Variants in GPD2 observed in about 807,000 individuals in gnomAD.
The protein encoded by GPD2 is glycerol-3-phosphate dehydrogenase 2.
A neutral mutation model predicts 82.4 loss-of-function variants in GPD2; 54 were observed. The ratio of observed to expected loss-of-function variants is 0.66; its 90% CI spans 0.53 to 0.82. GPD2 has a LOEUF of 0.82. Among genes scored for constraint, GPD2 ranks in the 40% least tolerant of loss-of-function variants. GPD2 has a pLI of 0.00. For synonymous variants in GPD2, 288 were observed against 306.1 expected (o/e 0.94, Z 0.62); for missense variants, 748 against 896.2 (o/e 0.83, Z 2.11).
chr2:156,428,077 A>G, the GPD2 span, among the ~76,000 whole-genome samples: 1 of 151,878 alleles, frequency 6.6e-6, no homozygotes, highest in African/African-American at 2.4e-5. Flanking sequence ...CACATCTCCA[A>G]CTCCCCCACT....
intron 3 of GPD2, among the ~76,000 whole-genome samples, chr2:156,498,413 C>T (rs1330998119): frequency 6.6e-6 from 1 of 152,178 alleles, no homozygotes; most frequent in East Asian, 1.9e-4. Context: ...GGAAACTTTA[C>T]TTATGCTGTT....
At chr2:156,496,847 T>C (rs186162696) in intron 3 of GPD2, among the ~76,000 whole-genome samples, 1 of 106,906 alleles carries the variant, frequency 9.4e-6, no homozygotes, top group East Asian at 2.8e-4. Context: ...TCTTTGTTCA[T>C]GTATCTCTTA....
Position 156,570,359 on chromosome 2 carries a change from T to C in GPD2, c.1608+141T>C, listed in dbSNP as rs2288758. ...AACCAGGACTACTATGTCTTTCCAA[T>C]ATAGATCCTTTTATTTATAAAATTT... On this transcript the variant is annotated intron_variant, in intron 12 of 16. Transcript: ENST00000438166. 78 of 690,022 alleles carry C rather than the reference T, an allele frequency of 1.1e-4. No individual in the cohort carries two copies. In the East Asian group the frequency reaches 2.1e-3, roughly 18 times the overall value. The allele number at this position is 690,022 out of a possible 1,614,324, so 42.7% of individuals were successfully genotyped here.
intron 1 of GPD2, among the ~76,000 whole-genome samples, chr2:156,459,006 A>AATAT (rs56055627): frequency 1.0e-4 from 15 of 150,090 alleles, no homozygotes; most frequent in African/African-American, 3.4e-4. Context: ...TTAAAATAGA[A>AATAT]ATATATATAT....
Position 156,496,032 on chromosome 2 carries a change from C to A in GPD2, c.103-12C>A. 6.2e-7 allele frequency: 1 copy of A among 1,604,162 alleles called. No individual in the cohort carries two copies. The highest frequency in any genetic ancestry group is 8.5e-7 in the Non-Finnish European group (1 of 1,171,950). Reference sequence around the variant, plus strand: ...CAAATGGACAACTGAAAGTGATCTGCTTTTACATCAGATGAACCTGGCCTA... The same window carrying A: ...CAAATGGACAACTGAAAGTGATCTGATTTTACATCAGATGAACCTGGCCTA... On this transcript the variant is annotated splice_polypyrimidine_tract_variant and intron_variant, in intron 2 of 16. Transcript: ENST00000438166.
intron 13 of GPD2, among the ~76,000 whole-genome samples, chr2:156,574,473 A>G (rs917956959): frequency 1.3e-5 from 2 of 152,156 alleles, no homozygotes; most frequent in Admixed American, 6.5e-5. Flanking sequence ...ATTTTGGGAA[A>G]TGCTGCCCCA....
chr2:156,486,165 AGAGCTG>A (rs1683931222), intron 2 of GPD2, among the ~76,000 whole-genome samples: 1 of 152,244 alleles, frequency 6.6e-6, no homozygotes, highest in Non-Finnish European at 1.5e-5. Flanking sequence ...TTATGCAGAC[AGAGCTG>A]GAAATGTTCT....
intron 6 of GPD2, among the ~76,000 whole-genome samples, chr2:156,545,459 G>C (rs1686492958): frequency 6.6e-6 from 1 of 152,192 alleles, no homozygotes; most frequent in African/African-American, 2.4e-5. Flanking sequence ...ACTCAGGTCA[G>C]GACACAGGGA....
chr2:156,452,480 C>G (rs1192604974), intron 1 of GPD2, among the ~76,000 whole-genome samples: 2 of 152,118 alleles, frequency 1.3e-5, no homozygotes. Flanking sequence ...TGCAGTGAGC[C>G]GAGATGGCAG....
intron 6 of GPD2, among the ~76,000 whole-genome samples, chr2:156,524,168 A>T (rs1467241774): frequency 1.0e-5 from 1 of 95,628 alleles, no homozygotes; most frequent in Non-Finnish European, 2.1e-5. Flanking sequence ...TGGAGCCCCC[A>T]GTGTGGATTC....
intron 6 of GPD2, among the ~76,000 whole-genome samples, chr2:156,545,086 G>A (rs945944570): frequency 6.6e-6 from 1 of 152,068 alleles, no homozygotes; most frequent in Non-Finnish European, 1.5e-5. Context: ...ATGTGAGTAC[G>A]TGTGCATGTG....
chr2:156,563,823 T>C (rs777907295), intron 9 of GPD2, among the ~76,000 whole-genome samples: 1 of 152,158 alleles, frequency 6.6e-6, no homozygotes, highest in Non-Finnish European at 1.5e-5. Flanking sequence ...AGAGCTGCTC[T>C]GTGCTATATG....
the GPD2 span, among the ~76,000 whole-genome samples, chr2:156,403,410 T>G: frequency 2.0e-5 from 3 of 152,156 alleles, no homozygotes; most frequent in African/African-American, 7.2e-5. Flanking sequence ...TCTCCTTGTA[T>G]GAGGGTGTAA....
intron 6 of GPD2, among the ~76,000 whole-genome samples, chr2:156,546,723 G>A (rs779415603): frequency 1.4e-4 from 21 of 152,110 alleles, no homozygotes; most frequent in African/African-American, 3.9e-4. Flanking sequence ...GATAAGTCCC[G>A]AGGGAATCAC....
chr2:156,447,821 C>T (rs137915432), intron 1 of GPD2, among the ~76,000 whole-genome samples: 20 of 152,230 alleles, frequency 1.3e-4, no homozygotes, highest in Middle Eastern at 3.4e-3. Context: ...ATTGGAATTC[C>T]CAGGGTCTGT....
At chr2:156,493,926 A>ATGTATGTGTGTGTGTGTGTG (rs1157626865) in intron 2 of GPD2, among the ~76,000 whole-genome samples, 1 of 136,224 alleles carries the variant, frequency 7.3e-6, no homozygotes, top group African/African-American at 2.7e-5. Context: ...ATATATATGT[A>ATGTATGTGTGTGTGTGTGTG]TGTGTGTGTG....
chr2:156,505,983 G>A (rs1684774057), intron 3 of GPD2, among the ~76,000 whole-genome samples: 2 of 152,114 alleles, frequency 1.3e-5, no homozygotes, highest in African/African-American at 4.8e-5. Flanking sequence ...ACCTCAAAAG[G>A]CTTTTAAAAA....
Position 156,461,920 on chromosome 2 carries a change from G to A in GPD2, c.-8-14178G>A, listed in dbSNP as rs765442168. Among the ~76,000 whole-genome samples the A allele has an allele frequency of 6.0e-4, 91 of 152,150 alleles. 1 individual carries two copies. Among genetic ancestry groups the A allele is most frequent in the Non-Finnish European group, 1.2e-3 (84 of 68,034 alleles). ...TCCTCCTGTCTTCTTCACTTGGGTA[G>A]GTCCTTCACGGATACTTTCCTGAGT... On this transcript the variant is annotated intron_variant, in intron 1 of 16. Transcript: ENST00000438166.
At chr2:156,433,894 G>A (rs1688353207), upstream of GPD2, among the ~76,000 whole-genome samples, 1 of 152,140 alleles carries the variant, frequency 6.6e-6, no homozygotes, top group Non-Finnish European at 1.5e-5. Flanking sequence ...GCACTGAACT[G>A]ATCTGGGATA....
Sources: gnomAD v4.1 joint callset for allele counts (sites outside exome capture counted in the v4.1 genomes callset) on GRCh38, gnomAD v4.1.1 for gene constraint, MANE v1.5 for transcripts, NCBI Gene and HGNC (gene_info 2026-07-23, HGNC 2026-07-21) for gene names.